The following KCNIP4 variants were observed in gnomAD, a reference collection of about 807,000 sequenced individuals.
KCNIP4 encodes potassium voltage-gated channel interacting protein 4.
KCNIP4 carries 12 observed loss-of-function variants against 34.0 expected under a neutral mutation model. The ratio of observed to expected loss-of-function variants is 0.35; its 90% CI spans 0.23 to 0.57. The LOEUF (loss-of-function observed/expected upper bound fraction) is 0.57. Among genes scored for constraint, KCNIP4 ranks in the 20% least tolerant of loss-of-function variants. KCNIP4 has a pLI of 0.83. For synonymous variants in KCNIP4, 124 were observed against 102.2 expected (o/e 1.21, Z -1.29); for missense variants, 238 against 311.7 (o/e 0.76, Z 1.78).
At chr4:21,138,398 G>T (rs1751675328) in intron 1 of KCNIP4, among the ~76,000 whole-genome samples, 3 of 152,032 alleles carry the variant, frequency 2.0e-5, no homozygotes, top group Non-Finnish European at 4.4e-5. Context: ...TCATGCTGTG[G>T]TCTTTCTGTC....
intron 1 of KCNIP4, among the ~76,000 whole-genome samples, chr4:21,521,348 G>C (rs558837238): frequency 6.6e-6 from 1 of 152,058 alleles, no homozygotes; most frequent in African/African-American, 2.4e-5. Flanking sequence ...CCCACATATG[G>C]TTGTGGTAAG....
intron 1 of KCNIP4, among the ~76,000 whole-genome samples, chr4:20,915,038 GT>G (rs1367038049): frequency 1.3e-5 from 2 of 152,146 alleles, no homozygotes; most frequent in African/African-American, 2.4e-5. Context: ...AGAAAAACAA[GT>G]TCTATCATTG....
chr4:21,504,491 G>GAAAAAAAA (rs1733658521), intron 1 of KCNIP4, among the ~76,000 whole-genome samples: 1 of 107,326 alleles, frequency 9.3e-6, no homozygotes, highest in African/African-American at 4.8e-5. Flanking sequence ...AAGAAAGAAA[G>GAAAAAAAA]AAAGAAAGAA....
intron 1 of KCNIP4, among the ~76,000 whole-genome samples, chr4:21,947,684 T>C (rs1304708431): frequency 6.6e-6 from 1 of 152,198 alleles, no homozygotes; most frequent in Non-Finnish European, 1.5e-5. Flanking sequence ...CAAACTATGC[T>C]ATAGCCATAT....
intron 1 of KCNIP4, among the ~76,000 whole-genome samples, chr4:21,687,918 G>A (rs910146849): frequency 3.9e-5 from 6 of 152,208 alleles, no homozygotes; most frequent in South Asian, 4.1e-4. Flanking sequence ...AAACAAAGAC[G>A]TAGTTTAGAT....
At chr4:20,922,955 G>T (rs910919430) in intron 1 of KCNIP4, among the ~76,000 whole-genome samples, 1 of 152,048 alleles carries the variant, frequency 6.6e-6, no homozygotes, top group South Asian at 2.1e-4. Flanking sequence ...AGTTAAACAT[G>T]TGAGTACGTG....
chr4:21,366,717 C>G (rs1308335172), intron 1 of KCNIP4, among the ~76,000 whole-genome samples: 1 of 151,760 alleles, frequency 6.6e-6, no homozygotes, highest in Non-Finnish European at 1.5e-5. Flanking sequence ...CTCTATAGTA[C>G]CTGGTCTTTA....
intron 1 of KCNIP4, among the ~76,000 whole-genome samples, chr4:21,209,096 C>T (rs1757051408): frequency 6.6e-6 from 1 of 152,074 alleles, no homozygotes; most frequent in African/African-American, 2.4e-5. Context: ...CACAACAAAA[C>T]CATATCATCT....
chr4:20,957,714 T>A (rs1243877657), intron 1 of KCNIP4, among the ~76,000 whole-genome samples: 1 of 152,190 alleles, frequency 6.6e-6, no homozygotes, highest in Non-Finnish European at 1.5e-5. Flanking sequence ...GAGAGGCATA[T>A]GGAAGCCATT....
At chr4:21,153,764 A>G (rs954105041) in intron 1 of KCNIP4, among the ~76,000 whole-genome samples, 1 of 152,108 alleles carries the variant, frequency 6.6e-6, no homozygotes, top group African/African-American at 2.4e-5. Context: ...CTTGGGAGCT[A>G]AAAGTACAGC....
rs535717458 is a variant in KCNIP4 at position 21,047,192 on chromosome 4, TC to T, written c.62-164484del. 1.2e-4 allele frequency among the ~76,000 whole-genome samples: 19 copies of T among 152,376 alleles called. No homozygotes were observed. In the East Asian group the frequency reaches 3.5e-3, roughly 28 times the overall value. On this transcript the variant is annotated intron_variant, in intron 1 of 8. Coordinates refer to ENST00000382152, the MANE Select transcript of KCNIP4 (RefSeq NM_025221.6). The stretch of plus-strand genomic sequence containing the variant: ...TTTGGCACATTGTGGCATCCCTTTT[TC>T]AAAGGCTTTTCTTGCCAGCACATTC...
At chr4:21,607,029 C>CTT (rs200444774) in intron 1 of KCNIP4, among the ~76,000 whole-genome samples, 10 of 148,540 alleles carry the variant, frequency 6.7e-5, no homozygotes, top group African/African-American at 2.0e-4. Flanking sequence ...AATTAGCAAC[C>CTT]TTTTTTTTTT....
intron 1 of KCNIP4, among the ~76,000 whole-genome samples, chr4:21,456,502 T>A (rs1728967018): frequency 6.7e-6 from 1 of 148,344 alleles, no homozygotes; most frequent in South Asian, 2.1e-4. Context: ...TTTCTTTAAA[T>A]CAACTTATTT....
intron 1 of KCNIP4, among the ~76,000 whole-genome samples, chr4:21,143,900 G>A (rs1285676993): frequency 6.6e-6 from 1 of 151,812 alleles, no homozygotes; most frequent in Non-Finnish European, 1.5e-5. Flanking sequence ...AGTAGAGATG[G>A]GGTTTCACCA....
chr4:21,728,153 G>A (rs1715330600), intron 1 of KCNIP4, among the ~76,000 whole-genome samples: 1 of 152,076 alleles, frequency 6.6e-6, no homozygotes, highest in Admixed American at 6.6e-5. Context: ...TCCAGCCTGA[G>A]TCTCTTCCCT....
At chr4:20,823,536 G>A (rs1290113724) in intron 3 of KCNIP4, among the ~76,000 whole-genome samples, 1 of 152,050 alleles carries the variant, frequency 6.6e-6, no homozygotes, top group Non-Finnish European at 1.5e-5. Flanking sequence ...TCATGAATGG[G>A]ATTAGTGCAG....
At chr4:20,871,476 T>C (rs1028038360) in intron 2 of KCNIP4, among the ~76,000 whole-genome samples, 1 of 151,572 alleles carries the variant, frequency 6.6e-6, no homozygotes, top group Non-Finnish European at 1.5e-5. Flanking sequence ...AAAAAAAAAT[T>C]AAAAGGGCCA....
intron 1 of KCNIP4, among the ~76,000 whole-genome samples, chr4:21,590,009 G>A (rs2109092995): frequency 6.6e-6 from 1 of 152,092 alleles, no homozygotes; most frequent in East Asian, 1.9e-4. Flanking sequence ...CTAGAATTAA[G>A]GAAGGGCAAA....
intron 1 of KCNIP4, among the ~76,000 whole-genome samples, chr4:21,123,964 G>A (rs1020345236): frequency 4.6e-5 from 7 of 151,798 alleles, no homozygotes; most frequent in Admixed American, 1.3e-4. Context: ...CCGTTGCTTA[G>A]GTCACCCAGT....
Sources: allele counts gnomAD v4.1 joint callset (sites outside exome capture counted in the v4.1 genomes callset), GRCh38; gene constraint gnomAD v4.1.1; transcripts MANE v1.5; gene names NCBI Gene and HGNC (gene_info 2026-07-23, HGNC 2026-07-21).